NLRP9: variants seen among roughly 807,000 people sequenced by gnomAD.
The protein encoded by NLRP9 is NACHT, LRR and PYD domains-containing protein 9.
NLRP9 carries 88 observed loss-of-function variants against 83.1 expected under a neutral mutation model. The observed-to-expected ratio is 1.06, with a 90% CI of 0.89 to 1.26. NLRP9 has a LOEUF of 1.26. Among genes scored for constraint, NLRP9 ranks in the 50% most tolerant of loss-of-function variants. The pLI is 0.00. For missense variants in NLRP9, 1,308 were observed against 1,179.3 expected, an observed-to-expected ratio of 1.11 and a Z score of -1.60; for synonymous variants, 521 against 447.6, an observed-to-expected ratio of 1.16 and a Z score of -2.07.
chr19:55,730,881 A>G lies in NLRP9; in HGVS notation c.1833-889T>C, dbSNP rs184511550. On this transcript the variant is annotated intron_variant, in intron 2 of 8. Transcript: ENST00000332836. The stretch of plus-strand genomic sequence containing the variant: ...ATGACACACGCTTACCTATGTCACA[A>G]ACCTGCACATCCTGCACATGTATCC... 1.5e-4 allele frequency among the ~76,000 whole-genome samples: 23 copies of G among 152,246 alleles called. No individual in the cohort carries two copies. In the South Asian group the frequency reaches 3.1e-3, roughly 21 times the overall value.
chr19:55,712,285 C>A, intron 7 of NLRP9, 135 bp downstream of exon 7: 1 of 754,118 alleles, frequency 1.3e-6, no homozygotes, highest in South Asian at 1.8e-5. Flanking sequence ...AACCCTGGGG[C>A]AGCATTTTAC....
chr19:55,711,816 C>G lies in NLRP9; in HGVS notation c.2827G>C (p.Ala943Pro). ...TCCACTCACCCCAGCATCTGCAGGG[C>G]ACAGTCCGGGTGGCTCAATGCCTCA... Reference protein sequence around the residue: ...LCEALSHPDCALQMLGLHKSG... With the variant: ...LCEALSHPDCPLQMLGLHKSG... Residue 943 changes from alanine to proline, a missense_variant, in exon 8 of 9, where the codon GCC (alanine) becomes CCC (proline). Physicochemically the swap from Ala to Pro is conservative, Grantham distance 27 (BLOSUM62 -1). Coordinates refer to ENST00000332836, the MANE Select transcript of NLRP9 (RefSeq NM_176820.4). 6.2e-7 allele frequency: 1 copy of G among 1,613,282 alleles called. No homozygotes were observed. Among genetic ancestry groups the G allele is most frequent in the Admixed American group, 1.7e-5 (1 of 60,010 alleles).
chr19:55,731,192 C>T (rs1277502722), intron 2 of NLRP9, among the ~76,000 whole-genome samples: 11 of 151,734 alleles, frequency 7.2e-5, no homozygotes, highest in Admixed American at 5.9e-4. Context: ...AACCTGAACC[C>T]GATGGAAGAA....
In NLRP9 at chr19:55,716,724, T is replaced by G; in HGVS notation, c.2330+4A>C. On this transcript the variant is annotated splice_donor_region_variant and intron_variant, in intron 5 of 8. Transcript: ENST00000332836. ...CCGAACGTGCTTCCCGCAGACCAAC[T>G]TACATCAGCCTCTCCAGGGCACAGT... 6.2e-7 allele frequency: 1 copy of G among 1,612,600 alleles called. No homozygotes were observed. Among genetic ancestry groups the G allele is most frequent in the South Asian group, 1.1e-5 (1 of 91,060 alleles).
chr19:55,734,637 ATTTTT>A (rs201490500), intron 1 of NLRP9, among the ~76,000 whole-genome samples: 4,064 of 106,976 alleles, frequency 0.038, 95 homozygotes, highest in African/African-American at 0.071. Context: ...ATATATATAT[ATTTTT>A]TTTTTTTTTG....
intron 4 of NLRP9, among the ~76,000 whole-genome samples, chr19:55,717,381 T>G (rs1253973221): frequency 6.6e-6 from 1 of 152,206 alleles, no homozygotes; most frequent in Non-Finnish European, 1.5e-5. Flanking sequence ...GACTCCCTCA[T>G]TAATCCCGTA....
In NLRP9 at chr19:55,732,401, A is replaced by C; in HGVS notation, c.1430T>G (p.Val477Gly). Residue 477 changes from valine (V) to glycine (G), a missense_variant, in exon 2 of 9, where the codon GTA (valine) becomes GGA (glycine). Val to Gly is a moderately radical substitution (Grantham distance 109). Coordinates refer to ENST00000332836, the MANE Select transcript of NLRP9 (RefSeq NM_176820.4). ...NPAIGSITQLVRASVVQPQTL... is the reference protein window; with the variant it reads ...NPAIGSITQLGRASVVQPQTL... ...TTGAGGCTGAACCACACTTGCTCTT[A>C]CAAGCTGGGTTATGCTTCCAATGGC... 7 of 1,614,234 alleles carry C rather than the reference A, an allele frequency of 4.3e-6. No homozygotes were observed. Among genetic ancestry groups the C allele is most frequent in the Non-Finnish European group, 5.9e-6 (7 of 1,180,040 alleles).
chr19:55,721,023 C>G (rs1358389575), intron 4 of NLRP9, among the ~76,000 whole-genome samples: 1 of 152,266 alleles, frequency 6.6e-6, no homozygotes, highest in Middle Eastern at 3.4e-3. Flanking sequence ...GGGGAGAAAA[C>G]GGGACAAGTG....
intron 1 of NLRP9, among the ~76,000 whole-genome samples, chr19:55,736,486 G>A (rs964221667): frequency 2.6e-4 from 39 of 152,062 alleles, no homozygotes; most frequent in African/African-American, 8.5e-4. Context: ...ACACTGACTC[G>A]GTCATTTTTT....
chr19:55,731,581 G>A (rs915494080), intron 2 of NLRP9, among the ~76,000 whole-genome samples: 2 of 151,744 alleles, frequency 1.3e-5, no homozygotes, highest in African/African-American at 2.4e-5. Flanking sequence ...AAAATTAGCC[G>A]GGCGTGGTGG....
chr19:55,722,328 G>T (rs1040579311), intron 4 of NLRP9, among the ~76,000 whole-genome samples: 1 of 152,062 alleles, frequency 6.6e-6, no homozygotes, highest in African/African-American at 2.4e-5. Context: ...ATAGAATTTT[G>T]AAAGTTCCCC....
chr19:55,727,417 T>C (rs1327776452), intron 3 of NLRP9, among the ~76,000 whole-genome samples: 2 of 152,208 alleles, frequency 1.3e-5, no homozygotes, highest in African/African-American at 4.8e-5. Flanking sequence ...CATGTTACCA[T>C]TGACCTCATG....
chr19:55,713,716 C>T (rs1377739030), intron 6 of NLRP9, among the ~76,000 whole-genome samples: 246 of 3,260 alleles, frequency 0.075, 86 homozygotes, highest in Non-Finnish European at 0.17. Flanking sequence ...CCTCTTCCCC[C>T]CTCCTCCCCA....
chr19:55,724,085 G>C lies in NLRP9; in HGVS notation c.2054C>G (p.Pro685Arg), dbSNP rs756970020. ...SELFKAVLHN[P>R]HLKLLSLYGT... ...GTACAGGCTCAGAAGTTTCAGATGAGGGTTGTGAAGAACTGCCTTAAATAA... is the reference window on the plus strand; with the variant it reads ...GTACAGGCTCAGAAGTTTCAGATGACGGTTGTGAAGAACTGCCTTAAATAA... The change falls in exon 4 of 9, where the codon CCT becomes CGT. Residue 685 changes from proline (P) to arginine (R), a missense_variant. Physicochemically the swap from Pro to Arg is moderately radical, Grantham distance 103. Transcript: ENST00000332836. The C allele has an allele frequency of 1.9e-6, 3 of 1,613,174 alleles. No homozygotes were observed. The highest frequency in any genetic ancestry group is 2.5e-6 in the Non-Finnish European group (3 of 1,179,320).
Position 55,732,160 on chromosome 19 carries a change from A to C in NLRP9, c.1671T>G (p.Phe557Leu). ...IGLFETQEKE[F>L]VTKVMNFFEE... ...CAAAGAAATTCATCACTTTGGTTAC[A>C]AATTCTTTTTCCTGAGTTTCAAACA... Residue 557 changes from phenylalanine (F) to leucine (L), a missense_variant, in exon 2 of 9, where the codon TTT becomes TTG. Transcript: ENST00000332836. 6.2e-7 allele frequency: 1 copy of C among 1,613,326 alleles called. No individual in the cohort carries two copies. The highest frequency in any genetic ancestry group is 8.5e-7 in the Non-Finnish European group (1 of 1,179,808).
chr19:55,729,146 T>TC (rs944927885), intron 3 of NLRP9, among the ~76,000 whole-genome samples: 6 of 144,418 alleles, frequency 4.2e-5, no homozygotes, highest in Non-Finnish European at 7.6e-5. Context: ...CTATTCTCCA[T>TC]CCACTCACAT....
intron 4 of NLRP9, among the ~76,000 whole-genome samples, chr19:55,720,734 A>G (rs1247850889): frequency 1.3e-5 from 2 of 152,218 alleles, no homozygotes; most frequent in Admixed American, 6.5e-5. Context: ...AATGTGGAAA[A>G]CCAAACCACA....
At chr19:55,724,655 A>G (rs1988345909) in intron 3 of NLRP9, among the ~76,000 whole-genome samples, 1 of 152,138 alleles carries the variant, frequency 6.6e-6, no homozygotes, top group Non-Finnish European at 1.5e-5. Flanking sequence ...CCAGAGTTAC[A>G]GGAAACTGGA....
chr19:55,715,186 G>A lies in NLRP9; in HGVS notation c.2370C>T (p.Ser790=), dbSNP rs764741345. ...TACTGCACAAGAGGACTTCGGAAAT[G>A]GAGTCACAGGAGACAGAGGTGAGAC... ...YCCLTSVSCD[S]ISEVLLCSKS... Residue 790 remains serine (S), a synonymous_variant, in exon 6 of 9, where the codon TCC becomes TCT. Transcript: ENST00000332836. 1.2e-6 allele frequency: 2 copies of A among 1,613,384 alleles called. No individual in the cohort carries two copies. Among genetic ancestry groups the A allele is most frequent in the East Asian group, 2.2e-5 (1 of 44,858 alleles).
Sources: gnomAD v4.1 joint callset for allele counts (sites outside exome capture counted in the v4.1 genomes callset) on GRCh38, gnomAD v4.1.1 for gene constraint, MANE v1.5 for transcripts, NCBI Gene and HGNC (gene_info 2026-07-23, HGNC 2026-07-21) for gene names.